KIAA0753: variants seen among roughly 807,000 people sequenced by gnomAD.
KIAA0753 encodes the protein protein moonraker.
In KIAA0753, 114 loss-of-function variants were observed where a neutral mutation model predicts 116.9. The observed-to-expected ratio is 0.98, with a 90% CI of 0.84 to 1.14. KIAA0753 has a LOEUF of 1.14. KIAA0753 is among the 50% of genes most tolerant of loss of function. KIAA0753 has a pLI of 0.00. For synonymous variants in KIAA0753, 405 were observed against 413.1 expected (o/e 0.98, Z 0.24); for missense variants, 1,156 against 1,172.4 (o/e 0.99, Z 0.20).
intron 12 of KIAA0753, among the ~76,000 whole-genome samples, chr17:6,603,017 G>A (rs1453063743): frequency 6.6e-6 from 1 of 152,144 alleles, no homozygotes; most frequent in Non-Finnish European, 1.5e-5. Context: ...CTAAGTAAGA[G>A]ATATTTGGAG....
intron 7 of KIAA0753, among the ~76,000 whole-genome samples, chr17:6,613,215 C>T (rs1038826027): frequency 2.0e-5 from 3 of 151,910 alleles, no homozygotes; most frequent in Non-Finnish European, 4.4e-5. Context: ...CTACAAGGCA[C>T]GTTGGAAGAA....
intron 12 of KIAA0753, among the ~76,000 whole-genome samples, 196 bp downstream of exon 12, chr17:6,606,677 A>C (rs763351348): frequency 1.3e-5 from 2 of 152,192 alleles, no homozygotes; most frequent in Non-Finnish European, 2.9e-5. Flanking sequence ...GATTTTTTTC[A>C]GTTCTCCTTC....
chr17:6,592,517 A>G (rs376296029), intron 16 of KIAA0753, among the ~76,000 whole-genome samples: 1 of 152,204 alleles, frequency 6.6e-6, no homozygotes, highest in Non-Finnish European at 1.5e-5. Context: ...TAACCTAGCC[A>G]TTGCAGCCCA....
At chr17:6,579,941 G>A in intron 18 of KIAA0753, 77 bp from the exon 19 acceptor site, 1 of 1,049,224 alleles carries the variant, frequency 9.5e-7, no homozygotes, top group South Asian at 1.3e-5. Flanking sequence ...CCAGCACTTT[G>A]GGAGGCCAAG....
chr17:6,579,915 G>C (rs1968020458), intron 18 of KIAA0753, 51 bp from the exon 19 acceptor site: 1 of 1,360,412 alleles, frequency 7.4e-7, no homozygotes, highest in African/African-American at 1.4e-5. Flanking sequence ...AGGCGCGGTG[G>C]CTCACACCTG....
At chr17:6,630,955 T>C (rs1210192455) in intron 2 of KIAA0753, among the ~76,000 whole-genome samples, 2 of 152,168 alleles carry the variant, frequency 1.3e-5, no homozygotes, top group Non-Finnish European at 2.9e-5. Flanking sequence ...ATGAGATTAG[T>C]TATCTACAGG....
chr17:6,624,186 TC>T (rs1385715135), intron 4 of KIAA0753, among the ~76,000 whole-genome samples: 1 of 152,146 alleles, frequency 6.6e-6, no homozygotes, highest in Non-Finnish European at 1.5e-5. Context: ...TTTTTAAAAA[TC>T]CATCACAATG....
At chr17:6,581,210 AAT>A (rs2150716659) in intron 18 of KIAA0753, among the ~76,000 whole-genome samples, 1 of 152,260 alleles carries the variant, frequency 6.6e-6, no homozygotes, top group Non-Finnish European at 1.5e-5. Context: ...ACTGTAATCT[AAT>A]AGTCCTTCAG....
chr17:6,582,889 T>C (rs531043449), intron 18 of KIAA0753, among the ~76,000 whole-genome samples: 1 of 152,358 alleles, frequency 6.6e-6, no homozygotes, highest in Admixed American at 6.5e-5. Flanking sequence ...TCCTGACTTA[T>C]ATTCTTACAT....
intron 7 of KIAA0753, among the ~76,000 whole-genome samples, chr17:6,613,231 A>G (rs1970670465): frequency 6.6e-6 from 1 of 152,224 alleles, no homozygotes; most frequent in South Asian, 2.1e-4. Context: ...AAGAAATCTA[A>G]TGAAAGAAGT....
Position 6,623,085 on chromosome 17 carries a change from A to G in KIAA0753, c.901T>C (p.Ser301Pro). Reference protein sequence around the residue: ...IKHTKKSWAMSKLAAAHRGAI... With the variant: ...IKHTKKSWAMPKLAAAHRGAI... ...CCTCGATGGGCAGCCGCCAGCTTAG[A>G]CATTGCCCATGACTGGTAATAAACA... Residue 301 changes from serine to proline, a missense_variant, in exon 6 of 19, where the codon TCT becomes CCT. Physicochemically the swap from Ser to Pro is moderately conservative, Grantham distance 74. Transcript: ENST00000361413. The G allele has an allele frequency of 6.2e-7, 1 of 1,613,264 alleles. No homozygotes were observed. The highest frequency in any genetic ancestry group is 8.5e-7 in the Non-Finnish European group (1 of 1,179,840).
intron 16 of KIAA0753, among the ~76,000 whole-genome samples, chr17:6,591,038 A>AAGGAAGAAGG (rs1567540446): frequency 1.2e-5 from 1 of 80,734 alleles, no homozygotes; most frequent in African/African-American, 6.0e-5. Context: ...AAGAAGGAAG[A>AAGGAAGAAGG]AGGAAGAAGA....
intron 7 of KIAA0753, among the ~76,000 whole-genome samples, chr17:6,618,657 T>C (rs1354509442): frequency 6.6e-6 from 1 of 152,210 alleles, no homozygotes; most frequent in Non-Finnish European, 1.5e-5. Context: ...TTCTGTCTCT[T>C]ACAGTTACAC....
intron 16 of KIAA0753, among the ~76,000 whole-genome samples, chr17:6,591,064 A>AGGAAGAAGGAAGAAG (rs879345492): frequency 1.3e-4 from 12 of 88,892 alleles, no homozygotes; most frequent in African/African-American, 6.8e-4. Context: ...AAGAAGAAGA[A>AGGAAGAAGGAAGAAG]GAAGAAGAAG....
chr17:6,608,204 T>G, intron 10 of KIAA0753, 144 bp downstream of exon 10: 1 of 401,420 alleles, frequency 2.5e-6, no homozygotes, highest in Non-Finnish European at 4.5e-6. Context: ...AAACTACATT[T>G]TATGTATTTA....
chr17:6,584,152 C>T (rs540699028), intron 18 of KIAA0753, among the ~76,000 whole-genome samples: 19 of 152,324 alleles, frequency 1.2e-4, no homozygotes, highest in South Asian at 1.2e-3. Context: ...TTTAGCAACC[C>T]GTGAATTCCA....
intron 2 of KIAA0753, among the ~76,000 whole-genome samples, chr17:6,634,549 G>A (rs771429262): frequency 2.0e-5 from 3 of 152,176 alleles, no homozygotes; most frequent in South Asian, 2.1e-4. Context: ...GACATGCAAC[G>A]AAACAAGTAA....
At chr17:6,623,428 G>C (rs1321884415) in intron 5 of KIAA0753, 81 bp downstream of exon 5, 1 of 1,107,974 alleles carries the variant, frequency 9.0e-7, no homozygotes, top group Non-Finnish European at 1.3e-6. Flanking sequence ...CATTAGTGCA[G>C]AGGGCCCTAC....
chr17:6,595,346 G>A lies in KIAA0753; in HGVS notation c.2359-293C>T, dbSNP rs1166934878. Among the ~76,000 whole-genome samples, 4 of 152,212 alleles carry A rather than the reference G, an allele frequency of 2.6e-5. No homozygotes were observed. The East Asian group carries it at 7.7e-4, about 29-fold the overall frequency. On this transcript the variant is annotated intron_variant, in intron 15 of 18. Transcript: ENST00000361413. Reference sequence around the variant, plus strand: ...GTAGCCACTAACTACTGACTCCTTAGAGTGTATTTAATTTTCATTAATTTA... The same window carrying A: ...GTAGCCACTAACTACTGACTCCTTAAAGTGTATTTAATTTTCATTAATTTA...
Sources: allele counts gnomAD v4.1 joint callset (sites outside exome capture counted in the v4.1 genomes callset), GRCh38; gene constraint gnomAD v4.1.1; transcripts MANE v1.5; gene names NCBI Gene and HGNC (gene_info 2026-07-23, HGNC 2026-07-21).